The following TUBGCP6 variants were observed in gnomAD, a reference collection of about 807,000 sequenced individuals.
The protein encoded by TUBGCP6 is tubulin gamma complex component 6, also known as gamma-tubulin complex component 6.
A neutral mutation model predicts 175.8 loss-of-function variants in TUBGCP6; 161 were observed. The observed-to-expected ratio is 0.92, with a 90% CI of 0.81 to 1.04. The LOEUF is 1.04. Ranked by LOEUF, TUBGCP6 falls within the 50% of genes least tolerant of loss-of-function variation. The probability of loss-of-function intolerance (pLI) is 0.00; values close to 1 mark genes in which losing one functional copy is unlikely to be tolerated. For missense variants in TUBGCP6, 2,572 were observed against 2,433.0 expected (o/e 1.06, Z -1.20); for synonymous variants, 1,173 against 1,030.5 (o/e 1.14, Z -2.65).
intron 2 of TUBGCP6, among the ~76,000 whole-genome samples, chr22:50,235,175 C>T (rs1013440512): frequency 6.3e-5 from 3 of 47,800 alleles, no homozygotes; most frequent in Non-Finnish European, 1.2e-4. Context: ...AGCATCTACA[C>T]CCCTATTCAC....
rs1391889069 is a variant in TUBGCP6, at chr22:50,224,437, A to AG, written c.2066-18dup. 6.2e-7 allele frequency: 1 copy of AG among 1,614,170 alleles called. No individual in the cohort carries two copies. On this transcript the variant is annotated splice_polypyrimidine_tract_variant and intron_variant, in intron 11 of 24. Coordinates refer to ENST00000248846, the MANE Select transcript of TUBGCP6 (RefSeq NM_020461.4). ...TCTGCCGGTCTACATTGGGACAGTA[A>AG]GGGGCGCACTGTCACAAGGAGGCCC... is the stretch of plus-strand genomic sequence containing the variant.
chr22:50,226,740 A>G lies in TUBGCP6; in HGVS notation c.1594T>C (p.Tyr532His), dbSNP rs754086944. 2.5e-6 allele frequency: 4 copies of G among 1,581,980 alleles called. No homozygotes were observed. The South Asian group carries it at 4.6e-5, about 18-fold the overall frequency. ...GCCCAGCCCACTGCCCACCGGGTGT[A>G]GGGCTCGCAGCTGGTCTTCAGCAGG... ...LSLLKTSCEP[Y>H]TRFIHDWVYS... Residue 532 changes from tyrosine (Y) to histidine (H), a missense_variant, in exon 7 of 25, where the codon TAC (tyrosine) becomes CAC (histidine). Transcript: ENST00000248846.
At position 50,219,449 on chromosome 22, in the gene TUBGCP6, C is replaced by T. The variant is rs572258765; in HGVS notation, c.4323G>A (p.Pro1441=). ...CGGGGCGCAAAAGATGAGCAATGGGCGGCTCGGCTGCGGGAGATGGAGCAC... is the reference window on the plus strand; with the variant it reads ...CGGGGCGCAAAAGATGAGCAATGGGTGGCTCGGCTGCGGGAGATGGAGCAC... The part of the protein sequence containing the change: ...YPDSYESMSE[P]PIAHLLRPVL... The change falls in exon 19 of 25, where the codon CCG becomes CCA. Residue 1441 remains proline (P), a synonymous_variant. Transcript: ENST00000248846. 125 of 1,576,146 alleles carry T rather than the reference C, an allele frequency of 7.9e-5. 1 individual carries two copies. The South Asian group carries it at 1.2e-3, about 15-fold the overall frequency.
Position 50,222,034 on chromosome 22 carries a change from G to A in TUBGCP6, c.2478C>T (p.His826=), listed in dbSNP as rs1416551198. The change falls in exon 15 of 25, where the codon CAC becomes CAT. Residue 826 remains histidine (H), a synonymous_variant. Transcript: ENST00000248846. Reference sequence around the variant, plus strand: ...GTTCCACTCTGCCGCTTACCTGGGGGTGCACGCTCAAGAGGACGTCTGGCG... The same window carrying A: ...GTTCCACTCTGCCGCTTACCTGGGGATGCACGCTCAAGAGGACGTCTGGCG... ...QEPPDVLLSV[H]PQVTSPGPEH... is the part of the protein sequence containing the mutation. 4 of 1,613,868 alleles carry A rather than the reference G, an allele frequency of 2.5e-6. No individual in the cohort carries two copies. The South Asian group carries it at 3.3e-5, about 13-fold the overall frequency.
chr22:50,218,241 G>A lies in TUBGCP6; in HGVS notation c.5116C>T (p.Leu1706=). The A allele has an allele frequency of 6.2e-7, 1 of 1,612,958 alleles. No individual in the cohort carries two copies. The highest frequency in any genetic ancestry group is 8.5e-7 in the Non-Finnish European group (1 of 1,179,948). The change falls in exon 23 of 25, where the codon CTG becomes TTG. Residue 1706 remains leucine (L), a synonymous_variant. Transcript: ENST00000248846. The stretch of plus-strand genomic sequence containing the variant: ...GCGTGCGCACGCTGGATCTCCTCCA[G>A]GTCGCCCACGGTGGCCAACCTGGCC... ...FRARLATVGD[L]EEIQRAHAEY...
intron 13 of TUBGCP6, chr22:50,222,854 A>T (rs1289164227): frequency 1.3e-5 from 6 of 467,864 alleles, no homozygotes; most frequent in Admixed American, 7.1e-5. Context: ...GACAAATACC[A>T]GAATGAGATC....
intron 14 of TUBGCP6, 42 bp from the exon 15 acceptor site, chr22:50,222,144 A>G (rs758693037): frequency 6.3e-7 from 1 of 1,595,804 alleles, no homozygotes; most frequent in African/African-American, 1.3e-5. Flanking sequence ...AGCCGGAGTC[A>G]AGCACAGCCC....
intron 4 of TUBGCP6, among the ~76,000 whole-genome samples, 157 bp from the exon 5 acceptor site, chr22:50,228,185 A>G (rs2064640578): frequency 6.6e-6 from 1 of 152,170 alleles, no homozygotes; most frequent in Non-Finnish European, 1.5e-5. Context: ...ACACCCCGCC[A>G]CCGGGCCAGG....
At chr22:50,225,027 G>A (rs1256556448) in intron 10 of TUBGCP6, among the ~76,000 whole-genome samples, 5 of 151,744 alleles carry the variant, frequency 3.3e-5, no homozygotes, top group Admixed American at 6.6e-5. Flanking sequence ...GGTTCGAGGA[G>A]GGACCAGGTG....
chr22:50,221,359 C>T lies in TUBGCP6; in HGVS notation c.3000G>A (p.Arg1000=), dbSNP rs148461181. The change falls in exon 16 of 25, where the codon CGG becomes CGA. Residue 1000 remains arginine, a synonymous_variant. Transcript: ENST00000248846. The part of the protein sequence containing the change: ...GKMDACGSAS[R]ETLLPSHPPR... ...GTGGGTGTGAGGGGAGCAGAGTCTC[C>T]CGCGAGGCGGAGCCACAGGCATCCA... 1 of 1,611,664 alleles carries T rather than the reference C, an allele frequency of 6.2e-7. No homozygotes were observed. The highest frequency in any genetic ancestry group is 1.3e-5 in the African/African-American group (1 of 75,068).
chr22:50,228,072 C>G, intron 4 of TUBGCP6, 44 bp from the exon 5 acceptor site: 1 of 1,493,864 alleles, frequency 6.7e-7, no homozygotes, highest in Non-Finnish European at 9.0e-7. Flanking sequence ...GGCACATGGA[C>G]GCAGCCGTGC....
intron 10 of TUBGCP6, 63 bp downstream of exon 10, chr22:50,225,731 C>G (rs1472108128): frequency 4.5e-6 from 7 of 1,556,484 alleles, no homozygotes; most frequent in Non-Finnish European, 5.2e-6. Flanking sequence ...CCCCACCAAC[C>G]TGAGACCCCA....
chr22:50,240,097 C>G, intron 2 of TUBGCP6, 107 bp downstream of exon 2: 4 of 1,492,578 alleles, frequency 2.7e-6, no homozygotes. Flanking sequence ...TAACCCATCA[C>G]AACTGCCTGG....
chr22:50,219,889 G>T (rs754650170), intron 17 of TUBGCP6, 68 bp downstream of exon 17: 3 of 1,604,486 alleles, frequency 1.9e-6, no homozygotes, highest in Non-Finnish European at 2.6e-6. Flanking sequence ...GGACCCACCC[G>T]CGTGACAACC....
chr22:50,219,464 A>G lies in TUBGCP6; in HGVS notation c.4316-8T>C, dbSNP rs1309614690. The G allele has an allele frequency of 1.3e-6, 2 of 1,586,306 alleles. No homozygotes were observed. Among genetic ancestry groups the G allele is most frequent in the Admixed American group, 1.8e-5 (1 of 54,888 alleles). On this transcript the variant is annotated splice_polypyrimidine_tract_variant and splice_region_variant and intron_variant, in intron 18 of 24. Coordinates refer to ENST00000248846, the MANE Select transcript of TUBGCP6 (RefSeq NM_020461.4). ...GAGCAATGGGCGGCTCGGCTGCGGG[A>G]GATGGAGCACGCACGTGCTGGGAAC...
chr22:50,243,625 AAAAAAAAAAG>A, intron 1 of TUBGCP6, 84 bp downstream of exon 1: 1 of 1,096,134 alleles, frequency 9.1e-7, no homozygotes, highest in South Asian at 1.9e-5. Context: ...CTCAAAAAAA[AAAAAAAAAAG>A]AAGAAGAAGA....
chr22:50,225,561 C>T (rs1030343845), intron 10 of TUBGCP6, among the ~76,000 whole-genome samples: 2 of 142,814 alleles, frequency 1.4e-5, no homozygotes, highest in South Asian at 4.7e-4. Context: ...CATCTGGCTC[C>T]GGACATTCAT....
At position 50,244,689 on chromosome 22, in the gene TUBGCP6, C is replaced by A; in HGVS notation, c.-230G>T. On this transcript the variant is annotated 5_prime_UTR_variant, in exon 1 of 25. Coordinates refer to ENST00000248846, the MANE Select transcript of TUBGCP6 (RefSeq NM_020461.4). ...TCCAAGCACGCTGCCCGGCGCCCGG[C>A]AGCCCACCAGAAGCCAGCTCGGCGT... 1.6e-6 allele frequency: 1 copy of A among 606,872 alleles called. No homozygotes were observed. The highest frequency in any genetic ancestry group is 3.5e-5 in the Admixed American group (1 of 28,418). 37.6% of individuals were successfully genotyped at this position (606,872 alleles called of 1,614,324 possible).
chr22:50,228,452 C>A (rs1456482141), intron 4 of TUBGCP6, among the ~76,000 whole-genome samples: 1 of 152,174 alleles, frequency 6.6e-6, no homozygotes, highest in Non-Finnish European at 1.5e-5. Context: ...GCTGCAGCTG[C>A]TCCGACCACA....
Sources: gnomAD v4.1 joint callset for allele counts (sites outside exome capture counted in the v4.1 genomes callset) on GRCh38, gnomAD v4.1.1 for gene constraint, MANE v1.5 for transcripts, NCBI Gene and HGNC (gene_info 2026-07-23, HGNC 2026-07-21) for gene names.